TENM3: variants seen among roughly 807,000 people sequenced by gnomAD.
TENM3 encodes teneurin-3.
A neutral mutation model predicts 255.1 loss-of-function variants in TENM3; 63 were observed. The observed-to-expected ratio is 0.25, with a 90% CI of 0.20 to 0.30. The LOEUF is 0.30. TENM3 is among the 10% of genes least tolerant of loss of function. The pLI, the probability that TENM3 is intolerant of heterozygous loss-of-function variation, is 1.00. For synonymous variants in TENM3, 1,306 were observed against 1,322.3 expected, an observed-to-expected ratio of 0.99 and a Z score of 0.27; for missense variants, 2,929 against 3,461.1, an observed-to-expected ratio of 0.85 and a Z score of 3.86.
the TENM3 span, among the ~76,000 whole-genome samples, chr4:181,806,530 G>C: frequency 3.3e-5 from 5 of 152,224 alleles, no homozygotes; most frequent in East Asian, 9.6e-4. Flanking sequence ...CCACCTTCCT[G>C]GGTGGTTTCA....
At chr4:182,760,979 A>G (rs1187919700) in intron 22 of TENM3, among the ~76,000 whole-genome samples, 1 of 151,794 alleles carries the variant, frequency 6.6e-6, no homozygotes, top group Non-Finnish European at 1.5e-5. Flanking sequence ...ATTATTCATT[A>G]ATTAGAAAAG....
chr4:182,615,679 A>G (rs1749437926), intron 4 of TENM3, among the ~76,000 whole-genome samples: 1 of 152,098 alleles, frequency 6.6e-6, no homozygotes, highest in African/African-American at 2.4e-5. Context: ...AAACTTAACT[A>G]ATAGGTGAAG....
At chr4:182,286,726 A>G (rs1038329206) in intron 1 of TENM3, among the ~76,000 whole-genome samples, 6 of 151,526 alleles carry the variant, frequency 4.0e-5, no homozygotes, top group African/African-American at 1.2e-4. Flanking sequence ...AAAAAACCCC[A>G]CTCTTTTTGC....
chr4:182,262,563 C>T (rs545139790), intron 1 of TENM3, among the ~76,000 whole-genome samples: 65 of 152,164 alleles, frequency 4.3e-4, no homozygotes, highest in African/African-American at 1.4e-3. Context: ...GCCATGGCAA[C>T]GTCAGGAAGT....
chr4:182,765,537 G>A (rs1365021495), intron 22 of TENM3, among the ~76,000 whole-genome samples: 1 of 152,116 alleles, frequency 6.6e-6, no homozygotes, highest in Non-Finnish European at 1.5e-5. Context: ...TTTGCTCAAT[G>A]TTCATTTTCT....
intron 12 of TENM3, among the ~76,000 whole-genome samples, chr4:182,707,386 G>C (rs1014570189): frequency 6.6e-6 from 1 of 152,114 alleles, no homozygotes; most frequent in African/African-American, 2.4e-5. Context: ...CTATATATGA[G>C]TGAGGCCCAT....
the TENM3 span, among the ~76,000 whole-genome samples, chr4:181,709,146 A>G: frequency 1.3e-5 from 2 of 152,230 alleles, no homozygotes; most frequent in African/African-American, 4.8e-5. Context: ...AGAAGACACT[A>G]CATATTAATC....
chr4:182,650,928 C>G (rs1254032965), intron 5 of TENM3, among the ~76,000 whole-genome samples: 2 of 116,304 alleles, frequency 1.7e-5, no homozygotes, highest in Admixed American at 8.9e-5. Flanking sequence ...ATATATAAAA[C>G]AAAGCTGTTG....
the TENM3 span, among the ~76,000 whole-genome samples, chr4:181,574,682 A>C: frequency 1.3e-5 from 2 of 152,222 alleles, no homozygotes; most frequent in East Asian, 1.9e-4. Context: ...AATAAAATTA[A>C]TTACTTCCTT....
At chr4:181,920,057 A>G in the TENM3 span, among the ~76,000 whole-genome samples, 1 of 151,980 alleles carries the variant, frequency 6.6e-6, no homozygotes, top group African/African-American at 2.4e-5. Flanking sequence ...TACAAAGGAC[A>G]TGAACTCATC....
chr4:181,782,335 T>C, the TENM3 span, among the ~76,000 whole-genome samples: 1 of 152,208 alleles, frequency 6.6e-6, no homozygotes, highest in Non-Finnish European at 1.5e-5. Flanking sequence ...AACTTCTTCC[T>C]GGTTTAGTCT....
At chr4:181,706,208 TCTC>T in the TENM3 span, among the ~76,000 whole-genome samples, 3 of 152,116 alleles carry the variant, frequency 2.0e-5, no homozygotes, top group Non-Finnish European at 2.9e-5. Flanking sequence ...TGTGTCCAAA[TCTC>T]CTCTTCTTAT....
chr4:182,586,293 T>C (rs573025472), intron 3 of TENM3, among the ~76,000 whole-genome samples: 2 of 152,290 alleles, frequency 1.3e-5, no homozygotes, highest in East Asian at 3.9e-4. Context: ...ATACAGATTA[T>C]TAATTTCCCA....
intron 3 of TENM3, among the ~76,000 whole-genome samples, chr4:182,511,196 T>A (rs1737359017): frequency 6.6e-6 from 1 of 152,228 alleles, no homozygotes; most frequent in South Asian, 2.1e-4. Flanking sequence ...AGCAGGAGGC[T>A]GTAGTAGGCT....
intron 3 of TENM3, among the ~76,000 whole-genome samples, chr4:182,405,245 C>T (rs1053648931): frequency 2.0e-5 from 3 of 152,208 alleles, no homozygotes; most frequent in Non-Finnish European, 2.9e-5. Context: ...CTCACCTCCC[C>T]GCTACAATCT....
At chr4:181,678,454 G>A in the TENM3 span, among the ~76,000 whole-genome samples, 1 of 151,956 alleles carries the variant, frequency 6.6e-6, no homozygotes, top group Non-Finnish European at 1.5e-5. Flanking sequence ...AATTTAGGAG[G>A]CAATTTTGTA....
chr4:182,151,406 A>G (rs1030649329), intron 1 of TENM3, among the ~76,000 whole-genome samples: 1 of 152,240 alleles, frequency 6.6e-6, no homozygotes, highest in African/African-American at 2.4e-5. Flanking sequence ...AAAGAGTAAC[A>G]TCTATTCTAA....
At chr4:182,150,335 TG>T (rs1433621566) in intron 1 of TENM3, among the ~76,000 whole-genome samples, 1 of 152,042 alleles carries the variant, frequency 6.6e-6, no homozygotes, top group Non-Finnish European at 1.5e-5. Flanking sequence ...TGTAGCAGGG[TG>T]TGTGACAGGA....
chr4:182,637,566 G>C (rs1038986609), intron 5 of TENM3, among the ~76,000 whole-genome samples: 10 of 152,232 alleles, frequency 6.6e-5, no homozygotes, highest in East Asian at 5.8e-4. Flanking sequence ...AAAAATTCCA[G>C]TTTCTTCTTT....
Sources: gnomAD v4.1 joint callset for allele counts (sites outside exome capture counted in the v4.1 genomes callset) on GRCh38, gnomAD v4.1.1 for gene constraint, MANE v1.5 for transcripts, NCBI Gene and HGNC (gene_info 2026-07-23, HGNC 2026-07-21) for gene names.